Variants in ERP44 observed in about 807,000 individuals in gnomAD.
The protein encoded by ERP44 is endoplasmic reticulum protein 44, also known as endoplasmic reticulum resident protein 44.
In ERP44, 25 loss-of-function variants were observed where a neutral mutation model predicts 53.4. The ratio of observed to expected loss-of-function variants is 0.47; its 90% CI spans 0.34 to 0.65. The LOEUF (loss-of-function observed/expected upper bound fraction) is 0.65. ERP44 is among the 30% of genes least tolerant of loss of function. The pLI is 0.01. For synonymous variants in ERP44, 145 were observed against 161.2 expected (o/e 0.90, Z 0.76); for missense variants, 338 against 493.2 (o/e 0.69, Z 2.98).
intron 1 of ERP44, among the ~76,000 whole-genome samples, chr9:100,095,909 TTAAA>T (rs1279217103): frequency 6.6e-6 from 1 of 152,216 alleles, no homozygotes; most frequent in African/African-American, 2.4e-5. Context: ...CTTGTAACGA[TTAAA>T]TAAATGTTTA....
At chr9:100,035,659 G>A (rs1825841903) in intron 4 of ERP44, among the ~76,000 whole-genome samples, 1 of 151,976 alleles carries the variant, frequency 6.6e-6, no homozygotes, top group Non-Finnish European at 1.5e-5. Context: ...TGGGCAACAA[G>A]ACCGAAACTC....
chr9:100,097,685 T>C (rs559896315), intron 1 of ERP44, among the ~76,000 whole-genome samples: 24 of 152,242 alleles, frequency 1.6e-4, no homozygotes, highest in Non-Finnish European at 3.2e-4. Context: ...ACAGTGCTTT[T>C]TCCGAAAAGG....
At chr9:100,068,143 C>T (rs1361917284) in intron 1 of ERP44, among the ~76,000 whole-genome samples, 3 of 150,502 alleles carry the variant, frequency 2.0e-5, no homozygotes, top group East Asian at 2.0e-4. Flanking sequence ...TCTGCCCAGC[C>T]GCCCCAACTG....
intron 8 of ERP44, among the ~76,000 whole-genome samples, chr9:100,014,389 AT>A (rs1198271232): frequency 6.6e-6 from 1 of 152,012 alleles, no homozygotes; most frequent in Admixed American, 6.5e-5. Flanking sequence ...GATTCAAGTG[AT>A]TCTCCTGCCT....
rs897422968 is a variant in ERP44 at position 99,980,630 on chromosome 9, ATAAACGCC to A, written c.*1974_*1981del. The stretch of plus-strand genomic sequence containing the variant: ...GGTCACTTTGCTTCTCATTCATTAA[ATAAACGCC>A]TGATGGTGACTACTAAGTGTCCAGA... On this transcript the variant is annotated 3_prime_UTR_variant, in exon 12 of 12. Coordinates refer to ENST00000262455, the MANE Select transcript of ERP44 (RefSeq NM_015051.3). The A allele has an allele frequency of 6.6e-6, 1 of 152,230 alleles. No homozygotes were observed. Among genetic ancestry groups the A allele is most frequent in the African/African-American group, 2.4e-5 (1 of 41,462 alleles). 9.4% of individuals were successfully genotyped at this position (152,230 alleles called of 1,614,324 possible). A position where few individuals can be genotyped will look rare whatever the true frequency, so the allele number is the denominator to read the frequency against.
At chr9:100,065,920 G>T (rs2118725378) in intron 1 of ERP44, among the ~76,000 whole-genome samples, 1 of 152,306 alleles carries the variant, frequency 6.6e-6, no homozygotes, top group East Asian at 1.9e-4. Context: ...AAAACAAGAA[G>T]TATTTCTAGT....
At chr9:100,057,947 A>G (rs1826102684) in intron 2 of ERP44, 88 bp from the exon 3 acceptor site, 9 of 1,020,278 alleles carry the variant, frequency 8.8e-6, no homozygotes, top group Non-Finnish European at 1.3e-5. Context: ...TTTGTCCAAT[A>G]TAAGGGTCCA....
intron 8 of ERP44, among the ~76,000 whole-genome samples, chr9:100,012,778 T>G (rs1023584688): frequency 1.3e-5 from 2 of 152,160 alleles, no homozygotes; most frequent in East Asian, 1.9e-4. Flanking sequence ...AAAGATGAAG[T>G]AGACACTTTT....
intron 7 of ERP44, 91 bp from the exon 8 acceptor site, chr9:100,016,529 T>C (rs1830527666): frequency 7.0e-7 from 1 of 1,419,894 alleles, no homozygotes; most frequent in Non-Finnish European, 9.2e-7. Flanking sequence ...TAAAGCAAGG[T>C]CTCACTCTGT....
chr9:100,087,626 A>C (rs1226437843), intron 1 of ERP44, among the ~76,000 whole-genome samples: 2 of 152,222 alleles, frequency 1.3e-5, no homozygotes, highest in Non-Finnish European at 2.9e-5. Context: ...ATATGTGAGA[A>C]AATGGAAACT....
chr9:99,998,320 T>C, intron 10 of ERP44: 1 of 491,608 alleles, frequency 2.0e-6, no homozygotes, highest in Non-Finnish European at 3.8e-6. Flanking sequence ...CTCTTCCCTG[T>C]TCTCAGGATC....
intron 1 of ERP44, among the ~76,000 whole-genome samples, chr9:100,078,271 A>G (rs2118744339): frequency 6.6e-6 from 1 of 152,204 alleles, no homozygotes; most frequent in Non-Finnish European, 1.5e-5. Context: ...CAGCCTGGCC[A>G]ACGTGGTGAA....
intron 6 of ERP44, among the ~76,000 whole-genome samples, chr9:100,019,802 G>A (rs1587964759): frequency 6.6e-6 from 1 of 152,144 alleles, no homozygotes; most frequent in East Asian, 1.9e-4. Context: ...AAAGGAGTAA[G>A]ATGTTTAAAA....
At chr9:100,052,712 A>C (rs1368659490) in intron 3 of ERP44, among the ~76,000 whole-genome samples, 180 bp from the exon 4 acceptor site, 1 of 152,216 alleles carries the variant, frequency 6.6e-6, no homozygotes, top group Non-Finnish European at 1.5e-5. Flanking sequence ...TTTTAAGTTC[A>C]AAGACTGTAT....
intron 10 of ERP44, among the ~76,000 whole-genome samples, chr9:99,991,361 T>G (rs1830252658): frequency 6.6e-6 from 1 of 151,802 alleles, no homozygotes; most frequent in Admixed American, 6.6e-5. Context: ...GATTAAGAAA[T>G]TCACTCAAAA....
intron 8 of ERP44, among the ~76,000 whole-genome samples, chr9:100,010,336 G>C (rs1830461065): frequency 6.6e-6 from 1 of 152,106 alleles, no homozygotes; most frequent in Non-Finnish European, 1.5e-5. Flanking sequence ...ATGGTTAAAT[G>C]GTTGCTTACA....
intron 10 of ERP44, among the ~76,000 whole-genome samples, chr9:100,000,213 C>T (rs1830362041): frequency 6.6e-6 from 1 of 152,018 alleles, no homozygotes; most frequent in Non-Finnish European, 1.5e-5. Context: ...GGGAGGATCA[C>T]TTCAGGCCAG....
chr9:100,076,179 G>A (rs535118525), intron 1 of ERP44, among the ~76,000 whole-genome samples: 2 of 152,324 alleles, frequency 1.3e-5, no homozygotes, highest in South Asian at 2.1e-4. Context: ...TGCCTATCAT[G>A]AACTGGGTGC....
intron 2 of ERP44, among the ~76,000 whole-genome samples, chr9:100,058,374 C>T (rs1230283826): frequency 6.6e-6 from 1 of 152,174 alleles, no homozygotes; most frequent in African/African-American, 2.4e-5. Context: ...TCACACCGGG[C>T]TTCCTTCGTT....
Sources: gnomAD v4.1 joint callset for allele counts (sites outside exome capture counted in the v4.1 genomes callset) on GRCh38, gnomAD v4.1.1 for gene constraint, MANE v1.5 for transcripts, NCBI Gene and HGNC (gene_info 2026-07-23, HGNC 2026-07-21) for gene names.